Variants in XYLT1 observed in about 807,000 individuals in gnomAD.
XYLT1 encodes the protein xylosyltransferase 1.
A neutral mutation model predicts 91.3 loss-of-function variants in XYLT1; 36 were observed. The observed-to-expected ratio is 0.39, with a 90% CI of 0.30 to 0.52. The LOEUF (loss-of-function observed/expected upper bound fraction) is 0.52, where lower values mean the gene tolerates loss of function less well. Among genes scored for constraint, XYLT1 ranks in the 20% least tolerant of loss-of-function variants. The pLI is 0.68. For missense variants in XYLT1, 1,242 were observed against 1,284.5 expected, an observed-to-expected ratio of 0.97 and a Z score of 0.51; for synonymous variants, 588 against 532.0, an observed-to-expected ratio of 1.11 and a Z score of -1.45.
At chr16:17,140,739 G>C (rs890375134) in intron 7 of XYLT1, among the ~76,000 whole-genome samples, 1 of 150,390 alleles carries the variant, frequency 6.6e-6, no homozygotes, top group Admixed American at 6.6e-5. Context: ...AGTTGTGCAG[G>C]TTACACACTA....
chr16:17,175,124 A>G (rs2031912436), intron 5 of XYLT1, among the ~76,000 whole-genome samples: 1 of 152,246 alleles, frequency 6.6e-6, no homozygotes, highest in African/African-American at 2.4e-5. Context: ...CAATAAAAAT[A>G]TGACAGTTGA....
chr16:17,455,169 G>A (rs1346757746), intron 1 of XYLT1, among the ~76,000 whole-genome samples: 1 of 152,144 alleles, frequency 6.6e-6, no homozygotes, highest in Non-Finnish European at 1.5e-5. Flanking sequence ...TGCAGGCATG[G>A]GGTCAGAGTG....
intron 3 of XYLT1, among the ~76,000 whole-genome samples, chr16:17,202,863 G>A (rs1430223153): frequency 6.6e-6 from 1 of 151,974 alleles, no homozygotes; most frequent in Non-Finnish European, 1.5e-5. Context: ...CACACATCTG[G>A]TTCTCGGTGA....
chr16:17,204,954 A>G (rs938635636), intron 3 of XYLT1, among the ~76,000 whole-genome samples: 6 of 145,826 alleles, frequency 4.1e-5, no homozygotes, highest in South Asian at 2.3e-4. Flanking sequence ...AAACCCAAAC[A>G]GTGCCCAGCT....
chr16:17,378,237 T>C (rs534867755), intron 1 of XYLT1, among the ~76,000 whole-genome samples: 8 of 152,018 alleles, frequency 5.3e-5, no homozygotes, highest in African/African-American at 1.7e-4. Flanking sequence ...TATGCATGGG[T>C]GTGTGTGAGA....
At chr16:17,225,193 T>C (rs768358094) in intron 3 of XYLT1, among the ~76,000 whole-genome samples, 4 of 152,070 alleles carry the variant, frequency 2.6e-5, no homozygotes, top group Admixed American at 6.6e-5. Flanking sequence ...TCTCTCTCTA[T>C]TTATAATTGG....
intron 5 of XYLT1, among the ~76,000 whole-genome samples, chr16:17,162,461 C>G (rs2031578440): frequency 6.6e-6 from 1 of 151,070 alleles, no homozygotes; most frequent in Non-Finnish European, 1.5e-5. Flanking sequence ...GACGGGCAAC[C>G]GAGACTTAGA....
chr16:17,183,588 G>A (rs1245093058), intron 5 of XYLT1, among the ~76,000 whole-genome samples: 9 of 152,180 alleles, frequency 5.9e-5, no homozygotes, highest in Non-Finnish European at 1.2e-4. Context: ...CTGCGATGCA[G>A]TAACACTATC....
intron 1 of XYLT1, among the ~76,000 whole-genome samples, chr16:17,388,723 T>C (rs1403393854): frequency 6.6e-6 from 1 of 152,214 alleles, no homozygotes; most frequent in Non-Finnish European, 1.5e-5. Context: ...AAAAGGAGTT[T>C]TCTTTTAACA....
chr16:17,338,946 C>T (rs1284296610), intron 2 of XYLT1, among the ~76,000 whole-genome samples: 1 of 152,180 alleles, frequency 6.6e-6, no homozygotes, highest in Non-Finnish European at 1.5e-5. Context: ...CCCACTCCTA[C>T]ATGATCACAG....
At chr16:17,390,907 G>GC (rs757847613) in intron 1 of XYLT1, among the ~76,000 whole-genome samples, 4 of 152,124 alleles carry the variant, frequency 2.6e-5, no homozygotes, top group African/African-American at 4.8e-5. Flanking sequence ...GCATGGTGGT[G>GC]CGTGACTGTA....
At chr16:17,392,142 A>G (rs2035827405) in intron 1 of XYLT1, among the ~76,000 whole-genome samples, 1 of 152,190 alleles carries the variant, frequency 6.6e-6, no homozygotes, top group Non-Finnish European at 1.5e-5. Context: ...CTGGAAATAA[A>G]ATCTAAACTT....
chr16:17,141,845 G>A (rs1456963445), intron 6 of XYLT1, among the ~76,000 whole-genome samples: 1 of 152,222 alleles, frequency 6.6e-6, no homozygotes, highest in Non-Finnish European at 1.5e-5. Context: ...CCAAAGTTCT[G>A]ATATAAAGTA....
At chr16:17,240,653 T>C (rs1321638042) in intron 3 of XYLT1, among the ~76,000 whole-genome samples, 1 of 152,210 alleles carries the variant, frequency 6.6e-6, no homozygotes, top group Non-Finnish European at 1.5e-5. Context: ...GGACCAAGCC[T>C]GAACCAGCCT....
intron 2 of XYLT1, among the ~76,000 whole-genome samples, chr16:17,296,939 A>C (rs1051423322): frequency 6.6e-6 from 1 of 152,230 alleles, no homozygotes; most frequent in African/African-American, 2.4e-5. Flanking sequence ...AATCAAATAC[A>C]AATAATCAGG....
At chr16:17,137,313 A>AGAG (rs543059746) in intron 8 of XYLT1, among the ~76,000 whole-genome samples, 118 of 152,314 alleles carry the variant, frequency 7.7e-4, no homozygotes, top group Non-Finnish European at 1.3e-3. Context: ...AGCCCGGCAC[A>AGAG]GAGGAGATCA....
At chr16:17,355,063 T>C (rs2035275510) in intron 2 of XYLT1, 1 of 152,656 alleles carries the variant, frequency 6.6e-6, no homozygotes, top group Non-Finnish European at 1.5e-5. Flanking sequence ...ATTGAAGCTC[T>C]TCCCCAATGG....
intron 3 of XYLT1, chr16:17,250,645 T>C (rs984338558): frequency 6.6e-6 from 1 of 152,336 alleles, no homozygotes; most frequent in African/African-American, 2.4e-5. Flanking sequence ...TTTGCCAGTC[T>C]CTTGCCTTTC....
At chr16:17,293,675 G>A (rs1567360291) in intron 2 of XYLT1, among the ~76,000 whole-genome samples, 1 of 151,940 alleles carries the variant, frequency 6.6e-6, no homozygotes, top group Non-Finnish European at 1.5e-5. Flanking sequence ...TTTTGGTAGC[G>A]ACAAGGTCTT....
Sources: allele counts gnomAD v4.1 joint callset (sites outside exome capture counted in the v4.1 genomes callset), GRCh38; gene constraint gnomAD v4.1.1; transcripts MANE v1.5; gene names NCBI Gene and HGNC (gene_info 2026-07-23, HGNC 2026-07-21).